PCDHGA12: variants seen among roughly 807,000 people sequenced by gnomAD.
PCDHGA12 encodes protocadherin gamma-A12.
In PCDHGA12, 43 loss-of-function variants were observed where a neutral mutation model predicts 61.1. The ratio of observed to expected loss-of-function variants is 0.70; its 90% CI spans 0.55 to 0.91. The LOEUF is 0.91. Ranked by LOEUF, PCDHGA12 falls within the 40% of genes least tolerant of loss-of-function variation. PCDHGA12 has a pLI of 0.00. For missense variants in PCDHGA12, 1,236 were observed against 1,227.7 expected (o/e 1.01, Z -0.10); for synonymous variants, 520 against 542.9 (o/e 0.96, Z 0.59).
chr5:141,485,687 C>T lies in PCDHGA12; in HGVS notation c.2425-9120C>T. 1 of 1,614,066 alleles carries T rather than the reference C, an allele frequency of 6.2e-7. No individual in the cohort carries two copies. Among genetic ancestry groups the T allele is most frequent in the Non-Finnish European group, 8.5e-7 (1 of 1,179,966 alleles). ...GAGCAATTCGATTAGCAGCTATAGG[C>T]TGAGCTCCAATGAACACTTTGCACT... On this transcript the variant is annotated intron_variant, in intron 1 of 3. Transcript: ENST00000252085. The surrounding 1 kb of genome is among the most constrained non-coding windows in gnomAD (Gnocchi z 5.7).
chr5:141,500,345 A>G (rs1459262760), intron 2 of PCDHGA12, among the ~76,000 whole-genome samples: 3 of 151,916 alleles, frequency 2.0e-5, no homozygotes, highest in Non-Finnish European at 4.4e-5. Context: ...AATAGCTGGG[A>G]CTACAGGCGC....
chr5:141,503,608 A>G (rs1451651299), intron 2 of PCDHGA12, among the ~76,000 whole-genome samples: 3 of 151,994 alleles, frequency 2.0e-5, no homozygotes, highest in South Asian at 2.1e-4. Flanking sequence ...CAAAAAAAAA[A>G]AAAAAAGAAA....
In PCDHGA12 at chr5:141,431,118, A is replaced by T. The variant is rs2097344347; in HGVS notation, c.359A>T (p.Glu120Val). Residue 120 changes from glutamate to valine, a missense_variant, in exon 1 of 4, where the codon GAA (glutamate) becomes GTA (valine). Coordinates refer to ENST00000252085, the MANE Select transcript of PCDHGA12 (RefSeq NM_003735.3). This position sits in a 1 kb window ranked among gnomAD's most constrained non-coding sequence, Gnocchi z 4.8. ...GATAAAGTGAAAATATATGGAGTAG[A>T]AGTAGAAGTAAGGGACATTAACGAC... is the stretch of plus-strand genomic sequence containing the variant. Reference protein sequence around the residue: ...MEDKVKIYGVEVEVRDINDNA... With the variant: ...MEDKVKIYGVVVEVRDINDNA... The T allele has an allele frequency of 6.2e-7, 1 of 1,614,182 alleles. No homozygotes were observed. Among genetic ancestry groups the T allele is most frequent in the African/African-American group, 1.3e-5 (1 of 75,070 alleles).
intron 1 of PCDHGA12, among the ~76,000 whole-genome samples, chr5:141,462,269 T>C (rs2099036247): frequency 6.6e-6 from 1 of 152,230 alleles, no homozygotes; most frequent in Admixed American, 6.5e-5. Context: ...CTAAAGTGTA[T>C]TGTTTAGTCA....
rs2099710219 is a variant in PCDHGA12, at chr5:141,491,289, C to A, written c.2425-3518C>A. On this transcript the variant is annotated intron_variant, in intron 1 of 3. Transcript: ENST00000252085. The surrounding 1 kb of genome is among the most constrained non-coding windows in gnomAD (Gnocchi z 6.9). The stretch of plus-strand genomic sequence containing the variant: ...CCAAATCCAGTGACTTCCTCATACA[C>A]CCTCCTGAGCGTTCAGACCTTACCC... 1 of 1,614,112 alleles carries A rather than the reference C, an allele frequency of 6.2e-7. No homozygotes were observed. Among genetic ancestry groups the A allele is most frequent in the Non-Finnish European group, 8.5e-7 (1 of 1,179,942 alleles).
intron 1 of PCDHGA12, among the ~76,000 whole-genome samples, chr5:141,444,714 CTTGGTGCCT>C (rs2098445168): frequency 6.6e-6 from 1 of 152,122 alleles, no homozygotes; most frequent in Non-Finnish European, 1.5e-5. Context: ...GTTGAATTTG[CTTGGTGCCT>C]TTGTTGAAAG....
rs1226463441 is a variant in PCDHGA12, at chr5:141,432,906, T to A, written c.2147T>A (p.Leu716Gln). 6.2e-7 allele frequency: 1 copy of A among 1,614,176 alleles called. No individual in the cohort carries two copies. The highest frequency in any genetic ancestry group is 8.5e-7 in the Non-Finnish European group (1 of 1,180,002). ...AFVILLLALR[L>Q]RRWHKSRLLQ... ...GTCATCTTGCTGCTGGCGCTCAGGC[T>A]GCGGCGCTGGCACAAGTCACGCCTG... Residue 716 changes from leucine to glutamine, a missense_variant, in exon 1 of 4, where the codon CTG (leucine) becomes CAG (glutamine). Leu to Gln is a moderately radical substitution (Grantham distance 113, BLOSUM62 -2). Coordinates refer to ENST00000252085, the MANE Select transcript of PCDHGA12 (RefSeq NM_003735.3). The surrounding 1 kb of genome is among the most constrained non-coding windows in gnomAD (Gnocchi z 6.0).
At chr5:141,447,834 C>T (rs2098552835) in intron 1 of PCDHGA12, among the ~76,000 whole-genome samples, 1 of 151,844 alleles carries the variant, frequency 6.6e-6, no homozygotes, top group African/African-American at 2.4e-5. Flanking sequence ...GCCTGTAATC[C>T]CAGTGCTTTG....
intron 1 of PCDHGA12, among the ~76,000 whole-genome samples, chr5:141,472,711 C>T (rs1014451209): frequency 4.6e-5 from 7 of 151,904 alleles, no homozygotes; most frequent in Admixed American, 2.0e-4. Context: ...ACAGGCCAGG[C>T]GCTGTGGCTC....
chr5:141,430,967 G>A lies in PCDHGA12; in HGVS notation c.208G>A (p.Gly70Ser), dbSNP rs746992307. 5 of 1,613,256 alleles carry A rather than the reference G, an allele frequency of 3.1e-6. No individual in the cohort carries two copies. In the East Asian group the frequency reaches 6.7e-5, roughly 22 times the overall value. Residue 70 changes from glycine to serine, a missense_variant, in exon 1 of 4, where the codon GGT becomes AGT. Gly to Ser is a moderately conservative substitution (Grantham distance 56). Coordinates refer to ENST00000252085, the MANE Select transcript of PCDHGA12 (RefSeq NM_003735.3). ...GCGCGGAGTCCGCATCATCCCCAGA[G>A]GTAGGACGCAGCTTTTCGCCCTGAA... is the stretch of plus-strand genomic sequence containing the variant. ...AERGVRIIPR[G>S]RTQLFALNPR... is the part of the protein sequence containing the mutation.
intron 1 of PCDHGA12, among the ~76,000 whole-genome samples, chr5:141,449,298 T>C (rs1197693931): frequency 6.6e-6 from 1 of 152,058 alleles, no homozygotes; most frequent in Non-Finnish European, 1.5e-5. Flanking sequence ...CCGGGTGAAT[T>C]ATATGTATTA....
intron 2 of PCDHGA12, among the ~76,000 whole-genome samples, chr5:141,495,107 AC>A (rs1422274779): frequency 1.3e-5 from 2 of 152,048 alleles, no homozygotes; most frequent in Non-Finnish European, 2.9e-5. Context: ...CACGACCGGC[AC>A]CTTTTCCTAT....
At chr5:141,508,535 C>CA (rs1426956469) in intron 3 of PCDHGA12, among the ~76,000 whole-genome samples, 1 of 152,172 alleles carries the variant, frequency 6.6e-6, no homozygotes, top group Admixed American at 6.5e-5. Flanking sequence ...GGGCACCCCC[C>CA]ACGAGGTGGG....
chr5:141,500,877 A>ATTT (rs369345007), intron 2 of PCDHGA12, among the ~76,000 whole-genome samples: 1 of 122,288 alleles, frequency 8.2e-6, no homozygotes, highest in Admixed American at 8.0e-5. Context: ...TTCATTTACA[A>ATTT]TTTTTTTTTT....
chr5:141,470,969 A>T (rs62379203), intron 1 of PCDHGA12, among the ~76,000 whole-genome samples: 1 of 151,298 alleles, frequency 6.6e-6, no homozygotes, highest in Non-Finnish European at 1.5e-5. Flanking sequence ...CTCCCACCTC[A>T]GCCTCCCAAA....
Position 141,491,900 on chromosome 5 carries a change from G to T in PCDHGA12, c.2425-2907G>T. The T allele has an allele frequency of 7.0e-7, 1 of 1,429,936 alleles. No homozygotes were observed. The highest frequency in any genetic ancestry group is 1.5e-5 in the South Asian group (1 of 67,072). 88.6% of individuals were successfully genotyped at this position (1,429,936 alleles called of 1,614,324 possible). A position where few individuals can be genotyped will look rare whatever the true frequency, so the allele number is the denominator to read the frequency against. ...TAAGGGATGGGGCTCCGAGCACCGG[G>T]GGTGGTGGCGACTGTGGGCGAGGGG... On this transcript the variant is annotated intron_variant, in intron 1 of 3. Transcript: ENST00000252085. This position sits in a 1 kb window ranked among gnomAD's most constrained non-coding sequence, Gnocchi z 6.9.
chr5:141,431,071 A>G lies in PCDHGA12; in HGVS notation c.312A>G (p.Leu104=). The G allele has an allele frequency of 6.2e-7, 1 of 1,614,244 alleles. No homozygotes were observed. The change falls in exon 1 of 4, where the codon TTA becomes TTG. Residue 104 remains leucine (L), a synonymous_variant. Coordinates refer to ENST00000252085, the MANE Select transcript of PCDHGA12 (RefSeq NM_003735.3). The surrounding 1 kb of genome is among the most constrained non-coding windows in gnomAD (Gnocchi z 4.8). ...GTATGGGGGCCATCAAGTGTCAATTAAATCTAGACATTCTGATGGAGGATA... is the reference window on the plus strand; with the variant it reads ...GTATGGGGGCCATCAAGTGTCAATTGAATCTAGACATTCTGATGGAGGATA... ...ELCMGAIKCQ[L]NLDILMEDKV... is the part of the protein sequence containing the mutation.
chr5:141,458,018 A>G (rs1361716104), intron 1 of PCDHGA12, among the ~76,000 whole-genome samples: 1 of 152,188 alleles, frequency 6.6e-6, no homozygotes, highest in Admixed American at 6.5e-5. Flanking sequence ...GGTTTTTCCA[A>G]TTGTGTTCTG....
At chr5:141,448,990 T>C (rs1419678645) in intron 1 of PCDHGA12, among the ~76,000 whole-genome samples, 1 of 152,070 alleles carries the variant, frequency 6.6e-6, no homozygotes, top group Non-Finnish European at 1.5e-5. Flanking sequence ...TATTAATATA[T>C]AGAAAGCTGT....
Sources: gnomAD v4.1 joint callset for allele counts (sites outside exome capture counted in the v4.1 genomes callset) on GRCh38, gnomAD v4.1.1 for gene constraint, Gnocchi (gnomAD v3.1) non-coding constraint, MANE v1.5 for transcripts, NCBI Gene and HGNC (gene_info 2026-07-23, HGNC 2026-07-21) for gene names.